The following GATAD2A variants were observed in gnomAD, a reference collection of about 807,000 sequenced individuals.
GATAD2A encodes transcriptional repressor p66-alpha.
Under a neutral mutation model 68.5 loss-of-function variants are expected in GATAD2A, and 12 were observed. That is an observed-to-expected ratio of 0.18 (90% CI 0.11 to 0.28). GATAD2A has a LOEUF of 0.28. GATAD2A is among the 10% of genes least tolerant of loss of function. The probability of loss-of-function intolerance (pLI) is 1.00; values close to 1 mark genes in which losing one functional copy is unlikely to be tolerated. For synonymous variants in GATAD2A, 410 were observed against 375.3 expected (o/e 1.09, Z -1.07); for missense variants, 755 against 868.5 (o/e 0.87, Z 1.64).
chr19:19,493,565 C>A (rs1463693672), intron 4 of GATAD2A, among the ~76,000 whole-genome samples: 1 of 152,160 alleles, frequency 6.6e-6, no homozygotes, highest in Non-Finnish European at 1.5e-5. Flanking sequence ...TTTTGTTAGG[C>A]TTTTTGAGTG....
chr19:19,440,958 CTTCCTTCCCT>C (rs1321974775), intron 1 of GATAD2A, among the ~76,000 whole-genome samples: 6 of 84,376 alleles, frequency 7.1e-5, no homozygotes, highest in African/African-American at 3.7e-4. Context: ...CCTTCCTTTT[CTTCCTTCCCT>C]TTCCTTCCTT....
Position 19,501,100 on chromosome 19 carries a change from T to C in GATAD2A, c.1205-18T>C. On this transcript the variant is annotated intron_variant, in intron 8 of 11. Transcript: ENST00000683918. ...CGTCCTGGCCCTCTGACGTGAGCCATGTGCTGTCTGCTTGCAGCAGGCAGG... is the reference window on the plus strand; with the variant it reads ...CGTCCTGGCCCTCTGACGTGAGCCACGTGCTGTCTGCTTGCAGCAGGCAGG... 2.5e-6 allele frequency: 4 copies of C among 1,603,408 alleles called. No individual in the cohort carries two copies. Among genetic ancestry groups the C allele is most frequent in the East Asian group, 2.2e-5 (1 of 44,704 alleles).
chr19:19,489,206 G>A (rs1016120084), intron 2 of GATAD2A, among the ~76,000 whole-genome samples: 1 of 152,230 alleles, frequency 6.6e-6, no homozygotes, highest in African/African-American at 2.4e-5. Context: ...GAGGTGACTG[G>A]AGCCTGTGGT....
In GATAD2A at chr19:19,507,795, T is replaced by TA. The variant is rs958709356; in HGVS notation, c.*2323dup. On this transcript the variant is annotated 3_prime_UTR_variant, in exon 12 of 12. Coordinates refer to ENST00000683918, the MANE Select transcript of GATAD2A (RefSeq NM_001384528.1). ...CAGGGGGCAAAAGTGTGAGATGCCTTAATCTTTCCTTCATTTCTGCTGTCT... is the reference window on the plus strand; with the variant it reads ...CAGGGGGCAAAAGTGTGAGATGCCTTAAATCTTTCCTTCATTTCTGCTGTCT... 6.6e-6 allele frequency: 1 copy of TA among 152,204 alleles called. No homozygotes were observed. The highest frequency in any genetic ancestry group is 1.5e-5 in the Non-Finnish European group (1 of 68,040). The allele number at this position is 152,204 out of a possible 1,614,324, so 9.4% of individuals were successfully genotyped here. A position where few individuals can be genotyped will look rare whatever the true frequency, so the allele number is the denominator to read the frequency against.
intron 1 of GATAD2A, among the ~76,000 whole-genome samples, chr19:19,451,949 C>A (rs2056430489): frequency 6.6e-6 from 1 of 152,184 alleles, no homozygotes; most frequent in African/African-American, 2.4e-5. Context: ...AGTGAGCCTC[C>A]CTCCTTGGCC....
At chr19:19,459,382 T>A (rs1483791069) in intron 1 of GATAD2A, among the ~76,000 whole-genome samples, 5 of 151,446 alleles carry the variant, frequency 3.3e-5, no homozygotes, top group East Asian at 1.9e-4. Context: ...TTTTTTTTTT[T>A]AAACCATGTA....
chr19:19,477,032 T>A (rs1240926956), intron 2 of GATAD2A, among the ~76,000 whole-genome samples: 1 of 152,142 alleles, frequency 6.6e-6, no homozygotes, highest in Non-Finnish European at 1.5e-5. Flanking sequence ...CTGCCCCCAC[T>A]TTGTGAATGC....
chr19:19,408,672 A>G (rs947467601), intron 1 of GATAD2A, among the ~76,000 whole-genome samples: 3 of 152,206 alleles, frequency 2.0e-5, no homozygotes, highest in Non-Finnish European at 2.9e-5. Context: ...GATATATTCA[A>G]CAAATATCAG....
At chr19:19,470,932 C>T (rs1195395622) in intron 2 of GATAD2A, among the ~76,000 whole-genome samples, 5 of 152,154 alleles carry the variant, frequency 3.3e-5, no homozygotes, top group African/African-American at 1.2e-4. Context: ...GACAGGTACA[C>T]CTGCAGCAGC....
In GATAD2A at chr19:19,465,394, C is replaced by A. The variant is rs1196989680; in HGVS notation, c.49C>A (p.Arg17=). 5 of 1,613,896 alleles carry A rather than the reference C, an allele frequency of 3.1e-6. No homozygotes were observed. The East Asian group carries it at 1.1e-4, about 36-fold the overall frequency. The part of the protein sequence containing the change: ...RTRSQKRALE[R]DPTEDDVESK... ...ACGGAGTCAGAAACGAGCGCTTGAA[C>A]GGGACCCAACAGAGGACGATGTGGA... is the stretch of plus-strand genomic sequence containing the variant. Residue 17 remains arginine (R), a synonymous_variant, in exon 2 of 12, where the codon CGG becomes AGG. Coordinates refer to ENST00000683918, the MANE Select transcript of GATAD2A (RefSeq NM_001384528.1).
At chr19:19,444,374 C>T (rs972303134) in intron 1 of GATAD2A, among the ~76,000 whole-genome samples, 13 of 152,256 alleles carry the variant, frequency 8.5e-5, no homozygotes, top group African/African-American at 2.9e-4. Flanking sequence ...TCAACCCTGC[C>T]TCTCTCCGGT....
intron 2 of GATAD2A, among the ~76,000 whole-genome samples, chr19:19,480,279 C>G (rs1237832456): frequency 6.6e-6 from 1 of 152,162 alleles, no homozygotes; most frequent in African/African-American, 2.4e-5. Context: ...TAGTAGTTTA[C>G]TGGGTTATAG....
intron 1 of GATAD2A, among the ~76,000 whole-genome samples, chr19:19,408,496 T>C (rs1439475769): frequency 1.3e-5 from 2 of 152,216 alleles, no homozygotes; most frequent in Non-Finnish European, 2.9e-5. Context: ...GTTTTTCTTT[T>C]TTAGAAAACT....
intron 10 of GATAD2A, 130 bp downstream of exon 10, chr19:19,502,173 A>G (rs970447160): frequency 4.0e-5 from 34 of 850,828 alleles, no homozygotes; most frequent in African/African-American, 3.6e-4. Flanking sequence ...CCCCTCCCCC[A>G]CCCCTCTGTG....
At chr19:19,500,477 G>A (rs1014841493) in intron 8 of GATAD2A, among the ~76,000 whole-genome samples, 8 of 150,918 alleles carry the variant, frequency 5.3e-5, no homozygotes, top group Admixed American at 4.0e-4. Context: ...GCACAAATAC[G>A]CCCAGACCTC....
exon 1 of GATAD2A, chr19:19,386,007 T>TGCCGCCGCCGCCACAGCG (rs1419849440): frequency 6.6e-6 from 1 of 151,034 alleles, no homozygotes; most frequent in Non-Finnish European, 1.5e-5. Flanking sequence ...CTGTCGCCGC[T>TGCCGCCGCCGCCACAGCG]GCCGCCGCCG....
intron 2 of GATAD2A, among the ~76,000 whole-genome samples, chr19:19,489,981 C>G (rs1163729704): frequency 6.6e-6 from 1 of 152,136 alleles, no homozygotes; most frequent in Non-Finnish European, 1.5e-5. Context: ...CCTTGAAAGT[C>G]GATCTTGGGC....
chr19:19,412,510 T>C (rs1166388557), intron 1 of GATAD2A, among the ~76,000 whole-genome samples: 4 of 150,800 alleles, frequency 2.7e-5, no homozygotes, highest in Non-Finnish European at 4.4e-5. Flanking sequence ...CATGCATCTG[T>C]AGGCCCTGCT....
At chr19:19,424,253 A>G (rs1043744568) in intron 1 of GATAD2A, among the ~76,000 whole-genome samples, 4 of 151,758 alleles carry the variant, frequency 2.6e-5, no homozygotes, top group African/African-American at 9.7e-5. Flanking sequence ...TTTTTGATAC[A>G]GGGTCTTGCT....
Sources: gnomAD v4.1 joint callset for allele counts (sites outside exome capture counted in the v4.1 genomes callset) on GRCh38, gnomAD v4.1.1 for gene constraint, MANE v1.5 for transcripts, NCBI Gene and HGNC (gene_info 2026-07-23, HGNC 2026-07-21) for gene names.